Variants in CREBRF observed in about 807,000 individuals in gnomAD.
CREBRF encodes the protein CREB3 regulatory factor.
In CREBRF, 5 loss-of-function variants were observed where a neutral mutation model predicts 66.1. That is an observed-to-expected ratio of 0.08 (90% CI 0.04 to 0.16). CREBRF has a LOEUF of 0.16. CREBRF is among the 10% of genes least tolerant of loss of function. The pLI, the probability that CREBRF is intolerant of heterozygous loss-of-function variation, is 1.00. For synonymous variants in CREBRF, 229 were observed against 264.4 expected, an observed-to-expected ratio of 0.87 and a Z score of 1.30; for missense variants, 531 against 744.9, an observed-to-expected ratio of 0.71 and a Z score of 3.34.
At chr5:173,065,383 T>C (rs1757403574) in intron 1 of CREBRF, among the ~76,000 whole-genome samples, 1 of 152,166 alleles carries the variant, frequency 6.6e-6, no homozygotes, top group South Asian at 2.1e-4. Flanking sequence ...CTTTTTTTGC[T>C]TTCACTTTGT....
rs774403579 is a variant in CREBRF, at chr5:173,090,023, A to G, written c.136-292A>G. 3.9e-5 allele frequency among the ~76,000 whole-genome samples: 6 copies of G among 152,120 alleles called. No individual in the cohort carries two copies. The highest frequency in any genetic ancestry group is 8.8e-5 in the Non-Finnish European group (6 of 68,040). Reference sequence around the variant, plus strand: ...TAAACTTTTTTCAGGCAGAATGTTTATGGTAAACTCAAGAGCCCTTGATAT... The same window carrying G: ...TAAACTTTTTTCAGGCAGAATGTTTGTGGTAAACTCAAGAGCCCTTGATAT... On this transcript the variant is annotated intron_variant, in intron 3 of 8. Coordinates refer to ENST00000296953, the MANE Select transcript of CREBRF (RefSeq NM_153607.3). The surrounding 1 kb of genome is among the most constrained non-coding windows in gnomAD (Gnocchi z 4.5).
rs1460719490 is a variant in CREBRF, at chr5:173,116,802, A to G, written c.1681+4423A>G. On this transcript the variant is annotated intron_variant, in intron 7 of 8. Transcript: ENST00000296953. ...ATATTTACTTCTATAAGAAACTGCTAAACTGTTTTCCCAACTGACTGTGCC... is the reference window on the plus strand; with the variant it reads ...ATATTTACTTCTATAAGAAACTGCTGAACTGTTTTCCCAACTGACTGTGCC... 5.3e-5 allele frequency among the ~76,000 whole-genome samples: 8 copies of G among 152,224 alleles called. No individual in the cohort carries two copies. In the South Asian group the frequency reaches 1.7e-3, roughly 31 times the overall value.
chr5:173,061,071 G>A (rs1225970235), intron 1 of CREBRF, among the ~76,000 whole-genome samples: 1 of 152,118 alleles, frequency 6.6e-6, no homozygotes, highest in Non-Finnish European at 1.5e-5. Context: ...GGGTTTAAGC[G>A]ATTCTCCTGC....
chr5:173,104,097 A>G (rs1466404735), intron 4 of CREBRF, among the ~76,000 whole-genome samples: 1 of 152,236 alleles, frequency 6.6e-6, no homozygotes, highest in Non-Finnish European at 1.5e-5. Context: ...TGAAAAAAGT[A>G]GACATCTTTA....
intron 8 of CREBRF, among the ~76,000 whole-genome samples, chr5:173,128,979 A>G (rs917119118): frequency 2.0e-5 from 3 of 150,612 alleles, no homozygotes; most frequent in African/African-American, 7.4e-5. Flanking sequence ...ATGGGGTTTC[A>G]CCATGTTAGC....
At chr5:173,068,696 G>A (rs930182087) in intron 1 of CREBRF, among the ~76,000 whole-genome samples, 9 of 152,120 alleles carry the variant, frequency 5.9e-5, no homozygotes, top group African/African-American at 2.2e-4. Context: ...GGGCAAGGGT[G>A]TTAAGTGTCG....
At position 173,086,400 on chromosome 5, in the gene CREBRF, A is replaced by G. The variant is rs554866103; in HGVS notation, c.10-101A>G. The stretch of plus-strand genomic sequence containing the variant: ...AAAAAGTATAGAAATGTTTTCTGAA[A>G]AGAATAAGTTACTTAGTGGGGGTGG... On this transcript the variant is annotated intron_variant, in intron 2 of 8. Coordinates refer to ENST00000296953, the MANE Select transcript of CREBRF (RefSeq NM_153607.3). The G allele has an allele frequency of 1.9e-5, 20 of 1,064,078 alleles. No homozygotes were observed. The South Asian group carries it at 2.6e-4, about 14-fold the overall frequency. 65.9% of individuals were successfully genotyped at this position (1,064,078 alleles called of 1,614,324 possible). A position where few individuals can be genotyped will look rare whatever the true frequency, so the allele number is the denominator to read the frequency against.
At chr5:173,107,677 G>C (rs251236) in intron 4 of CREBRF, among the ~76,000 whole-genome samples, 74,062 of 151,908 alleles carry the variant, frequency 0.49, 19,192 homozygotes, top group Non-Finnish European at 0.58. Context: ...CACCATCATA[G>C]AAGTGTATAC....
chr5:173,093,866 T>G (rs1758410470), intron 4 of CREBRF, among the ~76,000 whole-genome samples: 1 of 152,234 alleles, frequency 6.6e-6, no homozygotes, highest in Non-Finnish European at 1.5e-5. Context: ...CTCCAGAGCT[T>G]ATTCATCCTG....
At chr5:173,107,957 G>C (rs1407492910) in intron 4 of CREBRF, among the ~76,000 whole-genome samples, 2 of 150,846 alleles carry the variant, frequency 1.3e-5, no homozygotes, top group Admixed American at 1.3e-4. Context: ...TGTGCCTCCC[G>C]AGTAGCTGGG....
At position 173,080,697 on chromosome 5, in the gene CREBRF, G is replaced by T; in HGVS notation, c.-79G>T. 6.9e-7 allele frequency: 1 copy of T among 1,440,018 alleles called. No homozygotes were observed. Among genetic ancestry groups the T allele is most frequent in the Non-Finnish European group, 9.7e-7 (1 of 1,027,234 alleles). 89.2% of individuals were successfully genotyped at this position (1,440,018 alleles called of 1,614,324 possible). A position where few individuals can be genotyped will look rare whatever the true frequency, so the allele number is the denominator to read the frequency against. ...GGAAATCATCTTCGATCTTGGAATT[G>T]AAAGTAAAGCTGGAAAGGAATTTAC... is the stretch of plus-strand genomic sequence containing the variant. On this transcript the variant is annotated 5_prime_UTR_variant, in exon 2 of 9. Coordinates refer to ENST00000296953, the MANE Select transcript of CREBRF (RefSeq NM_153607.3).
intron 1 of CREBRF, among the ~76,000 whole-genome samples, chr5:173,065,668 C>CTTT (rs745391126): frequency 1.6e-5 from 2 of 127,118 alleles, no homozygotes; most frequent in Admixed American, 8.5e-5. Context: ...TCTTCTTCTT[C>CTTT]TTTTTTTTTT....
At chr5:173,085,948 T>C in intron 2 of CREBRF, 2 of 1,416,156 alleles carry the variant, frequency 1.4e-6, no homozygotes, top group Non-Finnish European at 1.0e-6. Context: ...CATTTTCAAA[T>C]GAAGATGGAG....
intron 7 of CREBRF, among the ~76,000 whole-genome samples, chr5:173,121,443 C>T (rs1486113149): frequency 2.6e-5 from 4 of 152,068 alleles, no homozygotes; most frequent in South Asian, 2.1e-4. Context: ...CTGCCTCAGC[C>T]TCCTGAGTAG....
intron 1 of CREBRF, 77 bp downstream of exon 1, chr5:173,056,556 G>A: frequency 2.5e-6 from 1 of 396,784 alleles, no homozygotes; most frequent in Non-Finnish European, 4.4e-6. Flanking sequence ...GCGGAGGGCC[G>A]CTTGCCTAGG....
chr5:173,091,797 G>A, intron 4 of CREBRF: 1 of 990,506 alleles, frequency 1.0e-6, no homozygotes, highest in East Asian at 1.1e-4. Flanking sequence ...AAATATTCCT[G>A]TTTAGGGCCA....
chr5:173,129,291 T>C (rs1759351034), intron 8 of CREBRF, among the ~76,000 whole-genome samples: 1 of 150,290 alleles, frequency 6.7e-6, no homozygotes, highest in Non-Finnish European at 1.5e-5. Context: ...TAATTTTTTG[T>C]ATTTTTAGTA....
Position 173,065,262 on chromosome 5 carries a change from T to A in CREBRF, c.-192+8783T>A, listed in dbSNP as rs566047541. Among the ~76,000 whole-genome samples the A allele has an allele frequency of 2.0e-5, 3 of 152,234 alleles. No individual in the cohort carries two copies. The East Asian group carries it at 5.8e-4, about 29-fold the overall frequency. ...AGGAGGCATTCTAGTACAGCTGAAG[T>A]ATAAAAGATGTGTAGTGTGGGGTTG... On this transcript the variant is annotated intron_variant, in intron 1 of 8. Transcript: ENST00000296953.
chr5:173,093,551 C>CAA (rs1758402294), intron 4 of CREBRF, among the ~76,000 whole-genome samples: 1 of 152,180 alleles, frequency 6.6e-6, no homozygotes, highest in African/African-American at 2.4e-5. Context: ...AGATATGGCT[C>CAA]AATTGCCTAG....
Sources: allele counts gnomAD v4.1 joint callset (sites outside exome capture counted in the v4.1 genomes callset), GRCh38; gene constraint gnomAD v4.1.1; non-coding constraint Gnocchi (gnomAD v3.1); transcripts MANE v1.5; gene names NCBI Gene and HGNC (gene_info 2026-07-23, HGNC 2026-07-21).